Variants in DISC1 observed in about 807,000 individuals in gnomAD.
DISC1 encodes disrupted in schizophrenia 1 protein.
DISC1 carries 57 observed loss-of-function variants against 84.5 expected under a neutral mutation model. That is an observed-to-expected ratio of 0.67 (90% CI 0.55 to 0.84). The LOEUF is 0.84. DISC1 is among the 40% of genes least tolerant of loss of function. The pLI is 0.00. For missense variants in DISC1, 1,000 were observed against 1,057.8 expected (o/e 0.95, Z 0.76); for synonymous variants, 411 against 415.2 (o/e 0.99, Z 0.12).
At chr1:231,950,486 A>G (rs1658163546) in intron 9 of DISC1, among the ~76,000 whole-genome samples, 1 of 152,192 alleles carries the variant, frequency 6.6e-6, no homozygotes, top group Non-Finnish European at 1.5e-5. Flanking sequence ...CTGTCTTTCC[A>G]TTTAGAAAAA....
At chr1:231,948,960 C>T (rs774987016) in intron 9 of DISC1, among the ~76,000 whole-genome samples, 1 of 149,618 alleles carries the variant, frequency 6.7e-6, no homozygotes, top group Non-Finnish European at 1.5e-5. Flanking sequence ...ACCTCCGCCT[C>T]CTGGGTTCAA....
At chr1:231,724,543 G>T (rs2070347475) in intron 3 of DISC1, among the ~76,000 whole-genome samples, 1 of 152,192 alleles carries the variant, frequency 6.6e-6, no homozygotes, top group Non-Finnish European at 1.5e-5. Flanking sequence ...GGGAGGTAAA[G>T]AGTTGTCACA....
chr1:231,804,690 A>T (rs1237182954), intron 8 of DISC1, among the ~76,000 whole-genome samples: 1 of 152,174 alleles, frequency 6.6e-6, no homozygotes, highest in African/African-American at 2.4e-5. Flanking sequence ...CCTGGGCTGA[A>T]TATGGAGGAA....
chr1:231,707,127 G>C (rs2067184028), intron 3 of DISC1, among the ~76,000 whole-genome samples: 1 of 152,170 alleles, frequency 6.6e-6, no homozygotes. Flanking sequence ...AGGACTGCCA[G>C]AATCAATGGG....
intron 9 of DISC1, among the ~76,000 whole-genome samples, chr1:231,884,896 A>T (rs1188015347): frequency 2.0e-5 from 3 of 151,908 alleles, no homozygotes; most frequent in Non-Finnish European, 2.9e-5. Context: ...GAAAGAATGC[A>T]TTTAGTGCTG....
At chr1:231,781,740 A>G (rs2077448949) in intron 6 of DISC1, among the ~76,000 whole-genome samples, 1 of 152,062 alleles carries the variant, frequency 6.6e-6, no homozygotes, top group African/African-American at 2.4e-5. Context: ...GTATGTTACT[A>G]TTCCCTGCTT....
intron 11 of DISC1, among the ~76,000 whole-genome samples, chr1:232,023,736 G>A (rs1422551871): frequency 1.3e-5 from 2 of 152,020 alleles, no homozygotes; most frequent in African/African-American, 4.8e-5. Flanking sequence ...TCGTTTAAGG[G>A]TGTTTTAAAT....
chr1:231,747,990 G>T (rs1023602291), intron 3 of DISC1, among the ~76,000 whole-genome samples: 2 of 151,980 alleles, frequency 1.3e-5, no homozygotes, highest in Non-Finnish European at 2.9e-5. Context: ...TAATATTTTT[G>T]TAGTTATTGT....
chr1:231,651,174 G>T (rs1434789061), intron 1 of DISC1, among the ~76,000 whole-genome samples: 1 of 152,152 alleles, frequency 6.6e-6, no homozygotes, highest in Non-Finnish European at 1.5e-5. Context: ...CAGCTTTTCT[G>T]CTCTGGTTTC....
intron 4 of DISC1, among the ~76,000 whole-genome samples, chr1:231,756,001 G>T (rs981517096): frequency 3.3e-5 from 5 of 152,168 alleles, no homozygotes; most frequent in Non-Finnish European, 1.5e-5. Flanking sequence ...TTGCTTGCAG[G>T]ATAAAATTCA....
intron 3 of DISC1, among the ~76,000 whole-genome samples, chr1:231,745,088 A>G (rs1455165195): frequency 2.0e-5 from 3 of 152,196 alleles, no homozygotes; most frequent in East Asian, 1.9e-4. Flanking sequence ...TTTTTTGTCA[A>G]TTGATTTTTC....
intron 6 of DISC1, chr1:231,771,487 G>C: frequency 2.0e-6 from 2 of 985,414 alleles, no homozygotes; most frequent in Non-Finnish European, 2.4e-6. Context: ...ACACCCAATG[G>C]CAAAGTTCCC....
intron 9 of DISC1, among the ~76,000 whole-genome samples, chr1:231,875,927 A>T (rs555200700): frequency 6.6e-6 from 1 of 152,322 alleles, no homozygotes; most frequent in African/African-American, 2.4e-5. Context: ...ACGTTGGCTA[A>T]TGGGGCCATG....
At chr1:231,737,627 C>A (rs1448233425) in intron 3 of DISC1, among the ~76,000 whole-genome samples, 1 of 152,106 alleles carries the variant, frequency 6.6e-6, no homozygotes, top group Non-Finnish European at 1.5e-5. Context: ...AATGAGGAGA[C>A]TTAGAACAGA....
chr1:231,889,208 G>C (rs2087017961), intron 9 of DISC1, among the ~76,000 whole-genome samples: 1 of 152,278 alleles, frequency 6.6e-6, no homozygotes, highest in African/African-American at 2.4e-5. Context: ...ATGGCTGTTT[G>C]CCTATTCCAG....
intron 3 of DISC1, among the ~76,000 whole-genome samples, chr1:231,725,903 T>G (rs1174582886): frequency 1.3e-5 from 2 of 152,048 alleles, no homozygotes; most frequent in African/African-American, 4.8e-5. Context: ...CTGGAGAAAC[T>G]GCACACTGAA....
chr1:231,942,542 G>A (rs2091412782), intron 9 of DISC1, among the ~76,000 whole-genome samples: 2 of 152,296 alleles, frequency 1.3e-5, no homozygotes, highest in South Asian at 4.1e-4. Context: ...TCACATGCCT[G>A]TAGTCCCAGC....
intron 9 of DISC1, among the ~76,000 whole-genome samples, chr1:231,926,897 C>T (rs2090387640): frequency 6.6e-6 from 1 of 152,176 alleles, no homozygotes; most frequent in Non-Finnish European, 1.5e-5. Context: ...GAGATTTTCC[C>T]AAGGGGAGGA....
Position 231,803,889 on chromosome 1 carries a change from G to A in DISC1, c.1792+3679G>A, listed in dbSNP as rs188886458. On this transcript the variant is annotated intron_variant, in intron 8 of 12. Transcript: ENST00000439617. ...CATGAACCGGGAGGCGGAGCTTGCG[G>A]TGAGCCCATATCGCGCCACTACACT... Among the ~76,000 whole-genome samples the A allele has an allele frequency of 4.3e-3, 637 of 149,882 alleles. 1 individual carries two copies. Among genetic ancestry groups the A allele is most frequent in the Admixed American group, 6.8e-3 (102 of 14,968 alleles).
Sources: allele counts gnomAD v4.1 joint callset (sites outside exome capture counted in the v4.1 genomes callset), GRCh38; gene constraint gnomAD v4.1.1; transcripts MANE v1.5; gene names NCBI Gene and HGNC (gene_info 2026-07-23, HGNC 2026-07-21).